The following GNAI3 variants were observed in gnomAD, a reference collection of about 807,000 sequenced individuals.
GNAI3 encodes guanine nucleotide-binding protein G(i) subunit alpha-3.
In GNAI3, 12 loss-of-function variants were observed where a neutral mutation model predicts 41.8. The observed-to-expected ratio is 0.29, with a 90% CI of 0.18 to 0.47. The LOEUF (loss-of-function observed/expected upper bound fraction) is 0.47, where lower values mean the gene tolerates loss of function less well. GNAI3 is among the 20% of genes least tolerant of loss of function. The pLI is 1.00. For missense variants in GNAI3, 360 were observed against 429.6 expected (o/e 0.84, Z 1.43); for synonymous variants, 132 against 146.5 (o/e 0.90, Z 0.71).
intron 7 of GNAI3, among the ~76,000 whole-genome samples, chr1:109,588,903 A>G (rs1378353703): frequency 4.6e-5 from 7 of 152,128 alleles, no homozygotes; most frequent in Non-Finnish European, 5.9e-5. Flanking sequence ...CAATCAATCA[A>G]TCAATCAATC....
At chr1:109,548,903 C>CCCCGTTCA in intron 1 of GNAI3, 65 bp downstream of exon 1, 1 of 1,032,854 alleles carries the variant, frequency 9.7e-7, no homozygotes, top group Non-Finnish European at 1.5e-6. Flanking sequence ...AAGGCCTGAA[C>CCCCGTTCA]GGGGTCTGGT....
chr1:109,550,081 T>C (rs564019703), intron 1 of GNAI3, among the ~76,000 whole-genome samples: 1 of 152,316 alleles, frequency 6.6e-6, no homozygotes, highest in African/African-American at 2.4e-5. Flanking sequence ...AGAAATTTAC[T>C]TTTTAAAACA....
In GNAI3 at chr1:109,594,185, T is replaced by A. The variant is rs1649238801; in HGVS notation, c.*1863T>A. 1 of 152,384 alleles carries A rather than the reference T, an allele frequency of 6.6e-6. No homozygotes were observed. The highest frequency in any genetic ancestry group is 2.1e-4 in the South Asian group (1 of 4,826). The allele number at this position is 152,384 out of a possible 1,614,324, so 9.4% of individuals were successfully genotyped here. On this transcript the variant is annotated 3_prime_UTR_variant, in exon 9 of 9. Coordinates refer to ENST00000369851, the MANE Select transcript of GNAI3 (RefSeq NM_006496.4). ...CCACAATGTAAACAGGGTTGGTAGTTGTTACTCATTTTGAATATACCTTTT... is the reference window on the plus strand; with the variant it reads ...CCACAATGTAAACAGGGTTGGTAGTAGTTACTCATTTTGAATATACCTTTT...
At chr1:109,560,367 AATT>A (rs1648276953) in intron 1 of GNAI3, among the ~76,000 whole-genome samples, 1 of 152,184 alleles carries the variant, frequency 6.6e-6, no homozygotes, top group Admixed American at 6.5e-5. Flanking sequence ...TAATAATGAT[AATT>A]ATTATTTTGC....
chr1:109,577,133 C>T (rs1648768104), intron 3 of GNAI3, among the ~76,000 whole-genome samples: 1 of 151,492 alleles, frequency 6.6e-6, no homozygotes. Context: ...AAGCACCATA[C>T]CTTGCATATG....
chr1:109,552,324 T>C (rs1397309366), intron 1 of GNAI3, among the ~76,000 whole-genome samples: 1 of 152,220 alleles, frequency 6.6e-6, no homozygotes, highest in Non-Finnish European at 1.5e-5. Flanking sequence ...TTTTATAGCA[T>C]TGAAATTTTA....
rs1465399822 is a variant in GNAI3, at chr1:109,556,044, TC to T, written c.118+7207del. On this transcript the variant is annotated intron_variant, in intron 1 of 8. Coordinates refer to ENST00000369851, the MANE Select transcript of GNAI3 (RefSeq NM_006496.4). Reference sequence around the variant, plus strand: ...TCCTTCCATTAACTTCCATTCTTTTTCTTTTTTTTTTTTGTTGAGTCTTACT... The same window carrying T: ...TCCTTCCATTAACTTCCATTCTTTTTTTTTTTTTTTTTGTTGAGTCTTACT... 4.8e-3 allele frequency among the ~76,000 whole-genome samples: 710 copies of T among 149,076 alleles called. 5 individuals carry two copies. Among genetic ancestry groups the T allele is most frequent in the African/African-American group, 0.018 (690 of 38,830 alleles).
intron 3 of GNAI3, among the ~76,000 whole-genome samples, chr1:109,575,891 A>G (rs1648728447): frequency 6.6e-6 from 1 of 152,070 alleles, no homozygotes; most frequent in South Asian, 2.1e-4. Context: ...CTCTTGTGTC[A>G]CCAGATGCAG....
chr1:109,574,095 AG>A, intron 3 of GNAI3, 58 bp downstream of exon 3: 1 of 1,382,310 alleles, frequency 7.2e-7, no homozygotes, highest in South Asian at 1.3e-5. Context: ...AGTTAAGTTA[AG>A]CAAAATTTTT....
chr1:109,584,789 A>G (rs555415905), intron 5 of GNAI3, among the ~76,000 whole-genome samples: 20 of 152,350 alleles, frequency 1.3e-4, no homozygotes, highest in South Asian at 1.0e-3. Flanking sequence ...CCACCTTGGA[A>G]CTTCACAGTG....
intron 7 of GNAI3, chr1:109,591,616 G>GT (rs1649174188): frequency 2.2e-6 from 1 of 460,490 alleles, no homozygotes; most frequent in East Asian, 3.6e-5. Flanking sequence ...TCCAATTTTA[G>GT]TACATGTGCT....
At chr1:109,588,842 G>A (rs1391443230) in intron 7 of GNAI3, among the ~76,000 whole-genome samples, 2 of 152,078 alleles carry the variant, frequency 1.3e-5, no homozygotes, top group African/African-American at 4.8e-5. Context: ...GCGGTGAGCC[G>A]AGATCGCACC....
chr1:109,549,898 A>T (rs1045185258), intron 1 of GNAI3, among the ~76,000 whole-genome samples: 4 of 152,236 alleles, frequency 2.6e-5, no homozygotes, highest in Non-Finnish European at 5.9e-5. Context: ...TCAGTAAATC[A>T]TACAAAGAAT....
chr1:109,572,730 A>G (rs1648640171), intron 1 of GNAI3, among the ~76,000 whole-genome samples: 1 of 152,148 alleles, frequency 6.6e-6, no homozygotes, highest in Non-Finnish European at 1.5e-5. Context: ...AAGATGGAAA[A>G]TAGTATAGTA....
chr1:109,579,312 G>A lies in GNAI3; in HGVS notation c.412G>A (p.Ala138Thr), dbSNP rs745843348. ...GTTATGGCGAGATGGTGGGGTACAAGCTTGCTTCAGCAGATCCAGGGAATA... is the reference window on the plus strand; with the variant it reads ...GTTATGGCGAGATGGTGGGGTACAAACTTGCTTCAGCAGATCCAGGGAATA... ...KRLWRDGGVQACFSRSREYQL... is the reference protein window; with the variant it reads ...KRLWRDGGVQTCFSRSREYQL... Residue 138 changes from alanine to threonine, a missense_variant, in exon 4 of 9, where the codon GCT becomes ACT. Coordinates refer to ENST00000369851, the MANE Select transcript of GNAI3 (RefSeq NM_006496.4). 2.5e-6 allele frequency: 4 copies of A among 1,613,728 alleles called. No homozygotes were observed. The Admixed American group carries it at 6.7e-5, about 27-fold the overall frequency.
intron 3 of GNAI3, 74 bp from the exon 4 acceptor site, chr1:109,579,130 T>C (rs928219374): frequency 8.3e-7 from 1 of 1,206,372 alleles, no homozygotes; most frequent in Non-Finnish European, 1.2e-6. Context: ...AATGTGTCTA[T>C]ATTTTAAAGA....
At chr1:109,574,084 CAGTTA>C (rs761466921) in intron 3 of GNAI3, 47 bp downstream of exon 3, 52 of 1,498,270 alleles carry the variant, frequency 3.5e-5, no homozygotes, top group African/African-American at 5.6e-5. Flanking sequence ...TCAGCAGATA[CAGTTA>C]AGTTAAGCAA....
intron 3 of GNAI3, among the ~76,000 whole-genome samples, chr1:109,577,565 A>G (rs1648783474): frequency 6.6e-6 from 1 of 152,072 alleles, no homozygotes; most frequent in Non-Finnish European, 1.5e-5. Context: ...GTGAGCCACC[A>G]TGCCCGACCA....
At chr1:109,561,885 A>G (rs1238237370) in intron 1 of GNAI3, among the ~76,000 whole-genome samples, 1 of 152,190 alleles carries the variant, frequency 6.6e-6, no homozygotes, top group Non-Finnish European at 1.5e-5. Context: ...AGGAACTCTT[A>G]AGGCAGAGGC....
Sources: allele counts gnomAD v4.1 joint callset (sites outside exome capture counted in the v4.1 genomes callset), GRCh38; gene constraint gnomAD v4.1.1; transcripts MANE v1.5; gene names NCBI Gene and HGNC (gene_info 2026-07-23, HGNC 2026-07-21).